UGT1A9: variants seen among roughly 807,000 people sequenced by gnomAD.
The protein encoded by UGT1A9 is UDP glucuronosyltransferase family 1 member A9.
Under a neutral mutation model 45.0 loss-of-function variants are expected in UGT1A9, and 35 were observed. That is an observed-to-expected ratio of 0.78 (90% confidence interval 0.59 to 1.03). UGT1A9 has a LOEUF of 1.03. UGT1A9 is among the 50% of genes least tolerant of loss of function. The pLI, the probability that UGT1A9 is intolerant of heterozygous loss-of-function variation, is 0.00. For missense variants in UGT1A9, 687 were observed against 666.6 expected (o/e 1.03, Z -0.34); for synonymous variants, 278 against 250.6 (o/e 1.11, Z -1.03).
In UGT1A9 at chr2:233,684,825, T is replaced by C. The variant is rs995688035; in HGVS notation, c.855+12036T>C. 2.6e-5 allele frequency among the ~76,000 whole-genome samples: 4 copies of C among 152,232 alleles called. No homozygotes were observed. In the East Asian group the frequency reaches 7.7e-4, roughly 29 times the overall value. ...GCTCAACCACAAAAGTAAATTGTCA[T>C]AGAAAAATTTATGGACACTGTATAG... is the stretch of plus-strand genomic sequence containing the variant. On this transcript the variant is annotated intron_variant, in intron 1 of 4. Transcript: ENST00000354728.
rs2074221139 is a variant in UGT1A9, at chr2:233,672,318, T to C, written c.384T>C (p.Phe128=). The change falls in exon 1 of 5, where the codon TTT becomes TTC. Residue 128 remains phenylalanine (F), a synonymous_variant. Transcript: ENST00000354728. The part of the protein sequence containing the change: ...DLFFSNCRSL[F]KDKKLVEYLK... Reference sequence around the variant, plus strand: ...TTTTTTCAAATTGCAGGAGTTTGTTTAAAGACAAAAAATTAGTAGAATACT... The same window carrying C: ...TTTTTTCAAATTGCAGGAGTTTGTTCAAAGACAAAAAATTAGTAGAATACT... 1 of 1,613,998 alleles carries C rather than the reference T, an allele frequency of 6.2e-7. No individual in the cohort carries two copies. The highest frequency in any genetic ancestry group is 8.5e-7 in the Non-Finnish European group (1 of 1,180,000).
chr2:233,744,239 T>C (rs1275088982), intron 1 of UGT1A9, among the ~76,000 whole-genome samples: 1 of 151,842 alleles, frequency 6.6e-6, no homozygotes, highest in Non-Finnish European at 1.5e-5. Flanking sequence ...GCCTTGACTT[T>C]GGCTGCCTGA....
At chr2:233,738,254 G>A (rs1281964200) in intron 1 of UGT1A9, among the ~76,000 whole-genome samples, 3 of 152,180 alleles carry the variant, frequency 2.0e-5, no homozygotes, top group Admixed American at 1.3e-4. Context: ...TGGAACTGGA[G>A]TCAATTAAAG....
intron 1 of UGT1A9, among the ~76,000 whole-genome samples, chr2:233,719,930 G>C (rs904855): frequency 0.08 from 12,193 of 152,230 alleles, 624 homozygotes; most frequent in East Asian, 0.2. Flanking sequence ...CTCACGGACA[G>C]TGTTTGTAAA....
chr2:233,754,995 C>G (rs769077985), intron 1 of UGT1A9: 1 of 1,295,418 alleles, frequency 7.7e-7, no homozygotes, highest in Non-Finnish European at 1.0e-6. Flanking sequence ...GTCACGGAAG[C>G]TGAAGACCTA....
In UGT1A9 at chr2:233,769,317, C is replaced by T. The variant is rs1699835455; in HGVS notation, c.1295+878C>T. On this transcript the variant is annotated intron_variant, in intron 4 of 4. Transcript: ENST00000354728. The surrounding 1 kb of genome is among the most constrained non-coding windows in gnomAD (Gnocchi z 4.4). ...AGTTAGTATATTACTGTCAAGCTCA[C>T]TGGTAATAGGCTTATTAGAACCTTA... is the stretch of plus-strand genomic sequence containing the variant. Among the ~76,000 whole-genome samples, 1 of 152,214 alleles carries T rather than the reference C, an allele frequency of 6.6e-6. No individual in the cohort carries two copies. The highest frequency in any genetic ancestry group is 1.5e-5 in the Non-Finnish European group (1 of 68,028).
intron 1 of UGT1A9, among the ~76,000 whole-genome samples, chr2:233,756,694 G>T (rs2125945712): frequency 6.6e-6 from 1 of 152,238 alleles, no homozygotes. Context: ...TAATGACGAT[G>T]AATTTTGGGG....
Position 233,769,607 on chromosome 2 carries a change from C to T in UGT1A9, c.1295+1168C>T. On this transcript the variant is annotated intron_variant, in intron 4 of 4. Transcript: ENST00000354728. The surrounding 1 kb of genome is among the most constrained non-coding windows in gnomAD (Gnocchi z 4.4). ...TGAGAGGAGACGGAACACGGGGACA[C>T]ACCAGCTTGAGCAAGGGACAACAGG... 6.2e-7 allele frequency: 1 copy of T among 1,612,808 alleles called. No individual in the cohort carries two copies. The highest frequency in any genetic ancestry group is 1.1e-5 in the South Asian group (1 of 91,046).
At chr2:233,754,798 C>G (rs781516183) in intron 1 of UGT1A9, 1 of 1,247,746 alleles carries the variant, frequency 8.0e-7, no homozygotes, top group East Asian at 5.0e-5. Context: ...AATCCTGTAT[C>G]AAAAGAAGAA....
chr2:233,732,449 C>T (rs1329295368), intron 1 of UGT1A9, among the ~76,000 whole-genome samples: 2 of 152,220 alleles, frequency 1.3e-5, no homozygotes, highest in Admixed American at 1.3e-4. Flanking sequence ...TTAGGTCTAA[C>T]ATTTGAGTCT....
intron 1 of UGT1A9, chr2:233,691,462 A>G (rs1455552692): frequency 3.0e-6 from 3 of 985,746 alleles, no homozygotes; most frequent in East Asian, 2.2e-4. Context: ...GGGCCCCAGA[A>G]CACCTCCGGT....
intron 1 of UGT1A9, among the ~76,000 whole-genome samples, chr2:233,700,967 G>A (rs1055144639): frequency 1.3e-5 from 2 of 152,032 alleles, no homozygotes; most frequent in Non-Finnish European, 2.9e-5. Context: ...AGAACATGCG[G>A]TGTTTGATTT....
chr2:233,743,289 C>T (rs1692256126), intron 1 of UGT1A9: 3 of 525,668 alleles, frequency 5.7e-6, no homozygotes, highest in Non-Finnish European at 9.9e-6. Flanking sequence ...CTTGGCCATT[C>T]TCAATGATTC....
Position 233,745,112 on chromosome 2 carries a change from G to A in UGT1A9, c.856-21922G>A, listed in dbSNP as rs1457181143. Among the ~76,000 whole-genome samples the A allele has an allele frequency of 3.3e-5, 5 of 151,730 alleles. No individual in the cohort carries two copies. In the South Asian group the frequency reaches 8.3e-4, roughly 25 times the overall value. On this transcript the variant is annotated intron_variant, in intron 1 of 4. Coordinates refer to ENST00000354728, the MANE Select transcript of UGT1A9 (RefSeq NM_021027.3). ...TCCCCCCAAATATTTTTAATCTGCT[G>A]TTGGCTGAATCTGCAGATGTGAAGC...
At chr2:233,729,219 G>A in intron 1 of UGT1A9, 1 of 1,614,156 alleles carries the variant, frequency 6.2e-7, no homozygotes, top group Non-Finnish European at 8.5e-7. Context: ...GTGGAAAGGT[G>A]TTGGTGGTGC....
At chr2:233,682,078 A>T in intron 1 of UGT1A9, 1 of 1,613,992 alleles carries the variant, frequency 6.2e-7, no homozygotes, top group Non-Finnish European at 8.5e-7. Flanking sequence ...TGGTGGAGAA[A>T]CTCATCCTCA....
At chr2:233,717,710 C>G in intron 1 of UGT1A9, 1 of 452,848 alleles carries the variant, frequency 2.2e-6, no homozygotes, top group Non-Finnish European at 4.5e-6. Context: ...CAGGACGAGC[C>G]TCATGGGCAT....
intron 1 of UGT1A9, among the ~76,000 whole-genome samples, chr2:233,677,119 T>A (rs2074381580): frequency 6.6e-6 from 1 of 152,200 alleles, no homozygotes; most frequent in African/African-American, 2.4e-5. Context: ...GTATTTTATT[T>A]ATAGATCAAC....
intron 1 of UGT1A9, among the ~76,000 whole-genome samples, chr2:233,736,107 T>G (rs1391401808): frequency 6.6e-6 from 1 of 152,266 alleles, no homozygotes; most frequent in Non-Finnish European, 1.5e-5. Flanking sequence ...AAGAGTGTTT[T>G]CCAACTTGTT....
Sources: allele counts gnomAD v4.1 joint callset (sites outside exome capture counted in the v4.1 genomes callset), GRCh38; gene constraint gnomAD v4.1.1; non-coding constraint Gnocchi (gnomAD v3.1); transcripts MANE v1.5; gene names NCBI Gene and HGNC (gene_info 2026-07-23, HGNC 2026-07-21).